The following ZMYND11 variants were observed in gnomAD, a reference collection of about 807,000 sequenced individuals.
The protein encoded by ZMYND11 is zinc finger MYND-type containing 11, also known as zinc finger MYND domain-containing protein 11.
In ZMYND11, 9 loss-of-function variants were observed where a neutral mutation model predicts 84.9. The observed-to-expected ratio is 0.11, with a 90% CI of 0.06 to 0.18. The LOEUF is 0.18. ZMYND11 is among the 10% of genes least tolerant of loss of function. ZMYND11 has a pLI of 1.00. For synonymous variants in ZMYND11, 250 were observed against 244.1 expected (o/e 1.02, Z -0.23); for missense variants, 409 against 761.0 (o/e 0.54, Z 5.44).
At chr10:165,759 A>G (rs1554763535) in intron 1 of ZMYND11, among the ~76,000 whole-genome samples, 1 of 152,150 alleles carries the variant, frequency 6.6e-6, no homozygotes, top group African/African-American at 2.4e-5. Flanking sequence ...ATTATTTTCC[A>G]AAGCTCCCAT....
At chr10:236,118 G>A (rs1949914523) in intron 4 of ZMYND11, among the ~76,000 whole-genome samples, 1 of 152,198 alleles carries the variant, frequency 6.6e-6, no homozygotes, top group African/African-American at 2.4e-5. Flanking sequence ...AACTGATGAT[G>A]TTCGCGTGCC....
chr10:199,852 A>G (rs1021568051), intron 2 of ZMYND11, among the ~76,000 whole-genome samples: 1 of 151,832 alleles, frequency 6.6e-6, no homozygotes, highest in Non-Finnish European at 1.5e-5. Context: ...ATAAAATTTT[A>G]TGATGTGGAA....
intron 8 of ZMYND11, among the ~76,000 whole-genome samples, chr10:240,511 A>G (rs1005722584): frequency 2.6e-5 from 4 of 152,208 alleles, no homozygotes; most frequent in African/African-American, 7.2e-5. Flanking sequence ...TCAAAACAAA[A>G]CAAAAAAAGG....
intron 4 of ZMYND11, among the ~76,000 whole-genome samples, chr10:234,090 G>A (rs2131626310): frequency 6.6e-6 from 1 of 152,330 alleles, no homozygotes; most frequent in African/African-American, 2.4e-5. Flanking sequence ...AGATGTTTTA[G>A]CAATAGTGAT....
intron 2 of ZMYND11, among the ~76,000 whole-genome samples, chr10:207,550 A>G (rs979227096): frequency 6.6e-6 from 1 of 152,190 alleles, no homozygotes; most frequent in African/African-American, 2.4e-5. Context: ...GTGAGATGGT[A>G]TCTCATTGTG....
chr10:196,070 G>A (rs1941659353), intron 2 of ZMYND11, among the ~76,000 whole-genome samples: 1 of 152,154 alleles, frequency 6.6e-6, no homozygotes, highest in South Asian at 2.1e-4. Context: ...GTCTATTGAT[G>A]ACCCATTCCA....
At chr10:230,472 CAAAAAAAAAA>C (rs59145964) in intron 4 of ZMYND11, among the ~76,000 whole-genome samples, 1 of 52,708 alleles carries the variant, frequency 1.9e-5, no homozygotes, top group African/African-American at 8.0e-5. Context: ...GACTCAGTCT[CAAAAAAAAAA>C]AAAAAAAAAA....
At chr10:248,854 C>G in intron 13 of ZMYND11, 49 bp from the exon 14 acceptor site, 1 of 1,560,472 alleles carries the variant, frequency 6.4e-7, no homozygotes, top group Non-Finnish European at 8.7e-7. Context: ...TGTAGATGGT[C>G]TGTGTTAAGT....
At chr10:209,030 T>G (rs1365015129) in intron 2 of ZMYND11, among the ~76,000 whole-genome samples, 1 of 151,942 alleles carries the variant, frequency 6.6e-6, no homozygotes, top group Non-Finnish European at 1.5e-5. Context: ...TATATATATA[T>G]GTATATGTAT....
chr10:179,275 A>G (rs1166628943), intron 1 of ZMYND11, among the ~76,000 whole-genome samples: 1 of 152,202 alleles, frequency 6.6e-6, no homozygotes. Flanking sequence ...GCCAGGAGAC[A>G]GCAGGAAAAT....
chr10:136,186 C>T (rs1835986763), intron 1 of ZMYND11, among the ~76,000 whole-genome samples: 1 of 152,112 alleles, frequency 6.6e-6, no homozygotes, highest in Non-Finnish European at 1.5e-5. Flanking sequence ...GGTCCGCCGC[C>T]CTCCTCCCAC....
chr10:160,016 G>C (rs1300413647), intron 1 of ZMYND11, among the ~76,000 whole-genome samples: 1 of 152,202 alleles, frequency 6.6e-6, no homozygotes, highest in Non-Finnish European at 1.5e-5. Context: ...CCCCAAAGCA[G>C]TATTGAGTAA....
At chr10:221,095 A>G (rs1277087682) in intron 3 of ZMYND11, 100 bp from the exon 4 acceptor site, 1 of 1,050,196 alleles carries the variant, frequency 9.5e-7, no homozygotes, top group Non-Finnish European at 1.4e-6. Context: ...TAAATTGTTT[A>G]TGATGCCTAA....
chr10:205,851 T>C (rs1767887392), intron 2 of ZMYND11, among the ~76,000 whole-genome samples: 1 of 152,088 alleles, frequency 6.6e-6, no homozygotes, highest in Non-Finnish European at 1.5e-5. Context: ...GTTATTAATA[T>C]CTGGTTTAAT....
At chr10:143,302 G>A (rs1431746272) in intron 1 of ZMYND11, among the ~76,000 whole-genome samples, 3 of 152,248 alleles carry the variant, frequency 2.0e-5, no homozygotes, top group African/African-American at 4.8e-5. Flanking sequence ...TGAGGGCTAG[G>A]CATGGGGGAA....
intron 1 of ZMYND11, among the ~76,000 whole-genome samples, chr10:174,672 C>T (rs1031838055): frequency 3.3e-5 from 5 of 151,660 alleles, no homozygotes; most frequent in African/African-American, 7.3e-5. Flanking sequence ...TACAGTGGCA[C>T]GTGCTTGTCA....
intron 4 of ZMYND11, among the ~76,000 whole-genome samples, chr10:229,434 TA>T (rs1327390287): frequency 1.3e-5 from 2 of 152,138 alleles, no homozygotes; most frequent in African/African-American, 4.8e-5. Context: ...TCTTATAAGT[TA>T]AAAAAACTAC....
At chr10:236,238 A>G (rs2131666636) in intron 4 of ZMYND11, among the ~76,000 whole-genome samples, 1 of 152,348 alleles carries the variant, frequency 6.6e-6, no homozygotes, top group East Asian at 1.9e-4. Context: ...ACATGCGTAG[A>G]ATCCTATTTT....
chr10:134,989 T>G (rs1489480914), upstream of ZMYND11: 1 of 148,570 alleles, frequency 6.7e-6, no homozygotes. Context: ...GAGCCCCCAG[T>G]GCGCGGCCCG....
Sources: gnomAD v4.1 joint callset for allele counts (sites outside exome capture counted in the v4.1 genomes callset) on GRCh38, gnomAD v4.1.1 for gene constraint, MANE v1.5 for transcripts, NCBI Gene and HGNC (gene_info 2026-07-23, HGNC 2026-07-21) for gene names.